The following ARHGAP22 variants were observed in gnomAD, a reference collection of about 807,000 sequenced individuals.
ARHGAP22 encodes the protein rho GTPase-activating protein 22.
Under a neutral mutation model 59.1 loss-of-function variants are expected in ARHGAP22, and 48 were observed. The observed-to-expected ratio is 0.81, with a 90% confidence interval of 0.64 to 1.03. The LOEUF is 1.03. Ranked by LOEUF, ARHGAP22 falls within the 50% of genes least tolerant of loss-of-function variation. ARHGAP22 has a pLI of 0.00. For synonymous variants in ARHGAP22, 445 were observed against 416.4 expected, an observed-to-expected ratio of 1.07 and a Z score of -0.84; for missense variants, 1,015 against 958.7, an observed-to-expected ratio of 1.06 and a Z score of -0.78.
chr10:48,522,417 A>C (rs2053890531), intron 3 of ARHGAP22, among the ~76,000 whole-genome samples: 1 of 152,228 alleles, frequency 6.6e-6, no homozygotes, highest in African/African-American at 2.4e-5. Flanking sequence ...CCACAGCCCC[A>C]GAGGACAGAC....
chr10:48,647,126 G>T (rs2062337648), intron 1 of ARHGAP22, among the ~76,000 whole-genome samples: 1 of 152,208 alleles, frequency 6.6e-6, no homozygotes, highest in Non-Finnish European at 1.5e-5. Context: ...GGGCTTGGTG[G>T]TTTACACTTG....
At chr10:48,482,161 T>A (rs964406512) in intron 3 of ARHGAP22, among the ~76,000 whole-genome samples, 1 of 152,238 alleles carries the variant, frequency 6.6e-6, no homozygotes, top group Admixed American at 6.5e-5. Flanking sequence ...GCTTCCTGCA[T>A]TGTATCTAAG....
intron 1 of ARHGAP22, among the ~76,000 whole-genome samples, chr10:48,638,720 C>A (rs376084506): frequency 8.4e-4 from 128 of 152,248 alleles, no homozygotes; most frequent in African/African-American, 3.0e-3. Flanking sequence ...ATTCTAGGCA[C>A]CGTGCAAAGA....
At chr10:48,601,277 G>A (rs2060364428) in intron 1 of ARHGAP22, among the ~76,000 whole-genome samples, 1 of 152,144 alleles carries the variant, frequency 6.6e-6, no homozygotes, top group Non-Finnish European at 1.5e-5. Context: ...GAATCTTCCA[G>A]GGCTCTGAAG....
intron 2 of ARHGAP22, chr10:48,582,735 A>G: frequency 1.7e-6 from 1 of 592,682 alleles, no homozygotes; most frequent in Non-Finnish European, 2.9e-6. Flanking sequence ...TTTTAAGGAA[A>G]CATTTTCATT....
rs191205464 is a variant in ARHGAP22, at chr10:48,451,057, T to A, written c.1072A>T (p.Thr358Ser). Residue 358 changes from threonine to serine, a missense_variant, in exon 9 of 10, where the codon ACC becomes TCC. Physicochemically the swap from Thr to Ser is moderately conservative, Grantham distance 58 (BLOSUM62 1). Transcript: ENST00000249601. The stretch of plus-strand genomic sequence containing the variant: ...CATTGCAGGCCCCCGCGCGGGGAGG[T>A]GGGCCCTTCCGGGACCGGTGCCGTG... Reference protein sequence around the residue: ...LFTAPVPEGPTSPRGGLQCAV... With the variant: ...LFTAPVPEGPSSPRGGLQCAV... 6 of 1,552,248 alleles carry A rather than the reference T, an allele frequency of 3.9e-6. No individual in the cohort carries two copies. The African/African-American group carries it at 8.2e-5, about 21-fold the overall frequency.
intron 1 of ARHGAP22, among the ~76,000 whole-genome samples, chr10:48,638,259 G>T (rs1478052478): frequency 1.3e-5 from 2 of 152,100 alleles, no homozygotes; most frequent in Non-Finnish European, 2.9e-5. Flanking sequence ...GGAGATTCTT[G>T]GGGGGATTTG....
intron 3 of ARHGAP22, among the ~76,000 whole-genome samples, chr10:48,495,434 G>A (rs1204836098): frequency 1.3e-5 from 2 of 152,202 alleles, no homozygotes; most frequent in Admixed American, 6.5e-5. Flanking sequence ...TTAGTCGAAG[G>A]TCACATGACT....
In ARHGAP22 at chr10:48,583,009, C is replaced by T. The variant is rs751009864; in HGVS notation, c.178G>A (p.Val60Met). 1 of 1,614,274 alleles carries T rather than the reference C, an allele frequency of 6.2e-7. No homozygotes were observed. Among genetic ancestry groups the T allele is most frequent in the Non-Finnish European group, 8.5e-7 (1 of 1,180,052 alleles). ...TAGAAAAGCTGATCCCCACGCAGCA[C>T]AAACCAGCGCTGCTGCCAGTTCTTC... is the stretch of plus-strand genomic sequence containing the variant. ...IMKNWQQRWFVLRGDQLFYYK... is the reference protein window; with the variant it reads ...IMKNWQQRWFMLRGDQLFYYK... The change falls in exon 2 of 10, where the codon GTG becomes ATG. Residue 60 changes from valine to methionine, a missense_variant. Val to Met is a conservative substitution (Grantham distance 21). Transcript: ENST00000249601.
intron 3 of ARHGAP22, among the ~76,000 whole-genome samples, chr10:48,530,404 A>G (rs544103223): frequency 6.6e-6 from 1 of 152,348 alleles, no homozygotes; most frequent in South Asian, 2.1e-4. Flanking sequence ...CAACAAAAAC[A>G]AAGATAAATA....
intron 3 of ARHGAP22, among the ~76,000 whole-genome samples, chr10:48,503,765 C>T (rs553748947): frequency 1.8e-4 from 28 of 152,374 alleles, no homozygotes; most frequent in Non-Finnish European, 2.8e-4. Flanking sequence ...GTGCCCCTTC[C>T]GGGCCTCCTG....
intron 1 of ARHGAP22, among the ~76,000 whole-genome samples, chr10:48,651,459 CACA>C (rs1052258205): frequency 5.3e-5 from 8 of 151,480 alleles, no homozygotes; most frequent in Non-Finnish European, 1.0e-4. Flanking sequence ...TCAGCACCTG[CACA>C]ACAAGCCGAA....
chr10:48,632,175 C>A (rs1388076275), intron 1 of ARHGAP22, among the ~76,000 whole-genome samples: 1 of 152,204 alleles, frequency 6.6e-6, no homozygotes, highest in Non-Finnish European at 1.5e-5. Context: ...TACGCCTTTG[C>A]ATCCTCATAA....
intron 1 of ARHGAP22, among the ~76,000 whole-genome samples, chr10:48,598,092 C>A (rs964376117): frequency 6.6e-6 from 1 of 152,264 alleles, no homozygotes; most frequent in Non-Finnish European, 1.5e-5. Context: ...CAGCCCAGCA[C>A]CTAGCAGCAC....
intron 3 of ARHGAP22, among the ~76,000 whole-genome samples, chr10:48,498,083 T>G (rs1452196325): frequency 6.6e-6 from 1 of 152,110 alleles, no homozygotes. Context: ...GGTCCCCAAC[T>G]TGCATAAGGC....
chr10:48,565,291 G>T (rs191138362), intron 2 of ARHGAP22, among the ~76,000 whole-genome samples: 1 of 152,284 alleles, frequency 6.6e-6, no homozygotes, highest in African/African-American at 2.4e-5. Flanking sequence ...TGAGCAGAAG[G>T]TGTGGAATGG....
intron 1 of ARHGAP22, among the ~76,000 whole-genome samples, chr10:48,592,937 C>T (rs1365647796): frequency 2.0e-5 from 3 of 152,262 alleles, no homozygotes; most frequent in Non-Finnish European, 2.9e-5. Context: ...CTGCAGGTTC[C>T]TGAGCTCGCT....
intron 2 of ARHGAP22, among the ~76,000 whole-genome samples, chr10:48,569,164 G>A (rs771895010): frequency 2.0e-5 from 3 of 152,218 alleles, no homozygotes; most frequent in Non-Finnish European, 4.4e-5. Context: ...CTGTGAGAGA[G>A]GCTGCCATGC....
chr10:48,600,008 A>G (rs898712820), intron 1 of ARHGAP22, among the ~76,000 whole-genome samples: 2 of 152,160 alleles, frequency 1.3e-5, no homozygotes, highest in Non-Finnish European at 2.9e-5. Context: ...CTCAGATCTC[A>G]GAGTCTTGTG....
Sources: gnomAD v4.1 joint callset for allele counts (sites outside exome capture counted in the v4.1 genomes callset) on GRCh38, gnomAD v4.1.1 for gene constraint, MANE v1.5 for transcripts, NCBI Gene and HGNC (gene_info 2026-07-23, HGNC 2026-07-21) for gene names.